CNTNAP5: variants seen among roughly 807,000 people sequenced by gnomAD.
The protein encoded by CNTNAP5 is contactin-associated protein-like 5.
CNTNAP5 carries 72 observed loss-of-function variants against 150.2 expected under a neutral mutation model. That is an observed-to-expected ratio of 0.48 (90% CI 0.40 to 0.58). The LOEUF is 0.58. Ranked by LOEUF, CNTNAP5 falls within the 20% of genes least tolerant of loss-of-function variation. The probability of loss-of-function intolerance (pLI) is 0.00; values close to 1 mark genes in which losing one functional copy is unlikely to be tolerated. For missense variants in CNTNAP5, 1,636 were observed against 1,626.2 expected, an observed-to-expected ratio of 1.01 and a Z score of -0.10; for synonymous variants, 672 against 619.8, an observed-to-expected ratio of 1.08 and a Z score of -1.25.
At chr2:124,813,087 G>GT (rs148156922) in intron 19 of CNTNAP5, among the ~76,000 whole-genome samples, 1 of 151,206 alleles carries the variant, frequency 6.6e-6, no homozygotes, top group Non-Finnish European at 1.5e-5. Context: ...TTTTGTTTTT[G>GT]TTTTTTTGTG....
At chr2:124,788,321 C>T (rs1313371989) in intron 17 of CNTNAP5, among the ~76,000 whole-genome samples, 3 of 152,132 alleles carry the variant, frequency 2.0e-5, no homozygotes, top group Admixed American at 2.0e-4. Flanking sequence ...GAATAATTTT[C>T]AAGAAACATA....
chr2:124,706,896 A>AGAAGGAGAAGAGGAAGAG (rs1558743214), intron 13 of CNTNAP5, among the ~76,000 whole-genome samples: 7 of 91,860 alleles, frequency 7.6e-5, no homozygotes, highest in Non-Finnish European at 1.2e-4. Context: ...AGGAAGAGGA[A>AGAAGGAGAAGAGGAAGAG]GAAGAAGGAG....
At chr2:124,666,911 T>A (rs1298193101) in intron 13 of CNTNAP5, among the ~76,000 whole-genome samples, 1 of 137,658 alleles carries the variant, frequency 7.3e-6, no homozygotes, top group African/African-American at 2.7e-5. Flanking sequence ...CCTCAAGACT[T>A]TCAAAGATGT....
At chr2:124,655,947 G>A (rs1263625826) in intron 13 of CNTNAP5, among the ~76,000 whole-genome samples, 1 of 88,234 alleles carries the variant, frequency 1.1e-5, no homozygotes, top group Non-Finnish European at 2.2e-5. Flanking sequence ...GAGAGAGAGA[G>A]AAAGAAAGAA....
At chr2:124,866,189 G>A (rs111248394) in intron 20 of CNTNAP5, among the ~76,000 whole-genome samples, 2 of 152,198 alleles carry the variant, frequency 1.3e-5, no homozygotes, top group African/African-American at 4.8e-5. Flanking sequence ...GAAACTGGGA[G>A]GCGGAGGTTG....
chr2:124,579,364 T>C (rs944775443), intron 11 of CNTNAP5, among the ~76,000 whole-genome samples: 2 of 152,222 alleles, frequency 1.3e-5, no homozygotes, highest in Non-Finnish European at 2.9e-5. Flanking sequence ...TCTAAATTAC[T>C]TACTTACTGG....
At chr2:124,771,073 A>G (rs140516550) in intron 16 of CNTNAP5, among the ~76,000 whole-genome samples, 2 of 152,136 alleles carry the variant, frequency 1.3e-5, no homozygotes, top group Non-Finnish European at 2.9e-5. Flanking sequence ...GATACTCAAA[A>G]TTCTGTGTAA....
intron 3 of CNTNAP5, among the ~76,000 whole-genome samples, chr2:124,346,252 G>T (rs79109659): frequency 6.6e-6 from 1 of 152,292 alleles, no homozygotes; most frequent in East Asian, 1.9e-4. Flanking sequence ...CACTGGAGAG[G>T]TAACTGTCAG....
intron 13 of CNTNAP5, among the ~76,000 whole-genome samples, chr2:124,678,834 C>A (rs1573542426): frequency 6.6e-6 from 1 of 151,908 alleles, no homozygotes; most frequent in Non-Finnish European, 1.5e-5. Flanking sequence ...GCTTCTTCAC[C>A]AGAAGATAAA....
chr2:124,239,461 A>T (rs1686831622), intron 2 of CNTNAP5, among the ~76,000 whole-genome samples: 2 of 152,210 alleles, frequency 1.3e-5, no homozygotes, highest in Non-Finnish European at 2.9e-5. Flanking sequence ...CAAAAGTCCT[A>T]TATTATAGCA....
chr2:124,574,378 T>C (rs1490341893), intron 11 of CNTNAP5, among the ~76,000 whole-genome samples: 2 of 152,240 alleles, frequency 1.3e-5, no homozygotes, highest in Non-Finnish European at 2.9e-5. Context: ...AGAATAAGAA[T>C]GTGATATAAT....
chr2:124,157,094 T>C (rs1383244019), intron 1 of CNTNAP5, among the ~76,000 whole-genome samples: 1 of 152,206 alleles, frequency 6.6e-6, no homozygotes, highest in African/African-American at 2.4e-5. Flanking sequence ...TGGGGCTCTG[T>C]TTATTCAAGT....
At chr2:124,234,043 A>G (rs545723818) in intron 2 of CNTNAP5, among the ~76,000 whole-genome samples, 1 of 152,300 alleles carries the variant, frequency 6.6e-6, no homozygotes, top group South Asian at 2.1e-4. Flanking sequence ...AATGTCATCA[A>G]TATGAGATCT....
chr2:124,804,949 A>T (rs530962032), intron 19 of CNTNAP5, among the ~76,000 whole-genome samples: 7 of 152,294 alleles, frequency 4.6e-5, no homozygotes, highest in African/African-American at 1.4e-4. Flanking sequence ...TCAGAGCATG[A>T]ATGTGAAGGC....
At chr2:124,591,495 G>A (rs536687025) in intron 11 of CNTNAP5, among the ~76,000 whole-genome samples, 3 of 152,086 alleles carry the variant, frequency 2.0e-5, no homozygotes, top group South Asian at 2.1e-4. Context: ...ACATAGCAGT[G>A]GAGAAAGAGA....
In CNTNAP5 at chr2:124,915,443, T is replaced by C. The variant is rs560512395; in HGVS notation, c.*1155T>C. ...TCACTCACTAAAGACCTGGTGAAGATAGTTAATTCAAATTTGCAAGTTTCA... is the reference window on the plus strand; with the variant it reads ...TCACTCACTAAAGACCTGGTGAAGACAGTTAATTCAAATTTGCAAGTTTCA... On this transcript the variant is annotated 3_prime_UTR_variant, in exon 24 of 24. Transcript: ENST00000682447. 2.0e-5 allele frequency among the ~76,000 whole-genome samples: 3 copies of C among 151,952 alleles called. No homozygotes were observed. The highest frequency in any genetic ancestry group is 7.2e-5 in the African/African-American group (3 of 41,398).
chr2:124,256,070 G>T (rs1176739249), intron 3 of CNTNAP5, among the ~76,000 whole-genome samples: 3 of 152,096 alleles, frequency 2.0e-5, no homozygotes, highest in Admixed American at 6.6e-5. Flanking sequence ...AAGAGATAAG[G>T]CTTGATAGAT....
At chr2:124,394,765 A>G (rs1005615346) in intron 3 of CNTNAP5, among the ~76,000 whole-genome samples, 4 of 152,164 alleles carry the variant, frequency 2.6e-5, no homozygotes, top group Non-Finnish European at 2.9e-5. Flanking sequence ...GGTGGAGACA[A>G]TATTGCAGCC....
rs114536224 is a variant in CNTNAP5 at position 124,847,482 on chromosome 2, A to G, written c.3218-17824A>G. ...ACTTTCATTGTGCCCCTCCAACAGC[A>G]TCGAGTCTATATCCAGGCAGCCAGA... On this transcript the variant is annotated intron_variant, in intron 19 of 23. Coordinates refer to ENST00000682447, the MANE Select transcript of CNTNAP5 (RefSeq NM_001367498.1). 5.1e-3 allele frequency among the ~76,000 whole-genome samples: 781 copies of G among 152,290 alleles called. 14 individuals are homozygous for G. Among genetic ancestry groups the G allele is most frequent in the African/African-American group, 0.018 (730 of 41,562 alleles).
Sources: allele counts gnomAD v4.1 joint callset (sites outside exome capture counted in the v4.1 genomes callset), GRCh38; gene constraint gnomAD v4.1.1; transcripts MANE v1.5; gene names NCBI Gene and HGNC (gene_info 2026-07-23, HGNC 2026-07-21).